The following PBX1 variants were observed in gnomAD, a reference collection of about 807,000 sequenced individuals.
The protein encoded by PBX1 is pre-B-cell leukemia transcription factor 1.
Under a neutral mutation model 53.4 loss-of-function variants are expected in PBX1, and 6 were observed. The ratio of observed to expected loss-of-function variants is 0.11; its 90% CI spans 0.06 to 0.22. PBX1 has a LOEUF of 0.22. Ranked by LOEUF, PBX1 falls within the 10% of genes least tolerant of loss-of-function variation. The probability of loss-of-function intolerance (pLI) is 1.00; values close to 1 mark genes in which losing one functional copy is unlikely to be tolerated. For synonymous variants in PBX1, 204 were observed against 212.3 expected (o/e 0.96, Z 0.34); for missense variants, 251 against 551.4 (o/e 0.46, Z 5.46).
intron 2 of PBX1, among the ~76,000 whole-genome samples, chr1:164,636,684 G>C (rs930594067): frequency 1.3e-5 from 2 of 152,162 alleles, no homozygotes; most frequent in African/African-American, 4.8e-5. Flanking sequence ...TCATGGCTTT[G>C]ACAAATGCCC....
At chr1:164,776,374 G>A (rs1167018166) in intron 2 of PBX1, among the ~76,000 whole-genome samples, 1 of 152,182 alleles carries the variant, frequency 6.6e-6, no homozygotes, top group Non-Finnish European at 1.5e-5. Flanking sequence ...GGTACTGGGC[G>A]GCTGTGGCAT....
chr1:164,564,754 T>C (rs1468670043), intron 2 of PBX1, among the ~76,000 whole-genome samples: 1 of 152,018 alleles, frequency 6.6e-6, no homozygotes, highest in African/African-American at 2.4e-5. Context: ...TTTTTTCCAG[T>C]TTGTCACACT....
chr1:164,660,320 G>C (rs950199546), intron 2 of PBX1, among the ~76,000 whole-genome samples: 26 of 152,166 alleles, frequency 1.7e-4, no homozygotes, highest in Admixed American at 7.9e-4. Context: ...GGGACATGCT[G>C]GGGCCTGGAG....
At chr1:164,697,945 A>G (rs1662884061) in intron 2 of PBX1, among the ~76,000 whole-genome samples, 1 of 152,204 alleles carries the variant, frequency 6.6e-6, no homozygotes, top group African/African-American at 2.4e-5. Flanking sequence ...GGTATCAGAC[A>G]TGCTAGATCC....
intron 1 of PBX1, among the ~76,000 whole-genome samples, chr1:164,560,881 T>A (rs879322981): frequency 2.6e-5 from 4 of 152,188 alleles, no homozygotes; most frequent in Non-Finnish European, 5.9e-5. Flanking sequence ...TGAAAGCATT[T>A]ATGAATTTTA....
chr1:164,789,891 A>G (rs1178243785), intron 2 of PBX1, among the ~76,000 whole-genome samples: 3 of 152,178 alleles, frequency 2.0e-5, no homozygotes, highest in African/African-American at 7.2e-5. Flanking sequence ...AGAGAGTAGA[A>G]TTTTGCCCCA....
At chr1:164,561,876 T>C (rs1280265586) in intron 1 of PBX1, among the ~76,000 whole-genome samples, 2 of 152,094 alleles carry the variant, frequency 1.3e-5, no homozygotes, top group Non-Finnish European at 1.5e-5. Flanking sequence ...TGGGCCTATA[T>C]ATAATAATAG....
At chr1:164,609,222 A>T (rs1195162147) in intron 2 of PBX1, among the ~76,000 whole-genome samples, 3 of 151,974 alleles carry the variant, frequency 2.0e-5, no homozygotes, top group Non-Finnish European at 4.4e-5. Context: ...TTCTCTTAAC[A>T]TTGCCTTTTT....
chr1:164,664,249 G>A (rs574999627), intron 2 of PBX1, among the ~76,000 whole-genome samples: 3 of 152,266 alleles, frequency 2.0e-5, no homozygotes, highest in African/African-American at 7.2e-5. Flanking sequence ...ACCAGCAGGC[G>A]GACCATGTCT....
At chr1:164,690,516 T>C (rs1199952052) in intron 2 of PBX1, among the ~76,000 whole-genome samples, 2 of 151,854 alleles carry the variant, frequency 1.3e-5, no homozygotes, top group Admixed American at 1.3e-4. Context: ...ATGTCTGTAA[T>C]CCTAGCATGG....
chr1:164,590,501 G>T, intron 2 of PBX1: 2 of 455,894 alleles, frequency 4.4e-6, no homozygotes, highest in Admixed American at 4.7e-5. Context: ...GTTAAGTTGA[G>T]AGGTGCCGTT....
chr1:164,796,881 C>G (rs2102312551), intron 3 of PBX1, among the ~76,000 whole-genome samples: 1 of 152,308 alleles, frequency 6.6e-6, no homozygotes, highest in East Asian at 1.9e-4. Context: ...CCCAAGTATT[C>G]ACATTACTGT....
chr1:164,572,560 A>T (rs141227130), intron 2 of PBX1, among the ~76,000 whole-genome samples: 1 of 152,136 alleles, frequency 6.6e-6, no homozygotes, highest in African/African-American at 2.4e-5. Flanking sequence ...TTTGAAAAAG[A>T]TTGGAGAATT....
Position 164,675,735 on chromosome 1 carries a change from A to G in PBX1, c.265+112424A>G, listed in dbSNP as rs1661396752. On this transcript the variant is annotated intron_variant, in intron 2 of 8. Coordinates refer to ENST00000420696, the MANE Select transcript of PBX1 (RefSeq NM_002585.4). ...TGAAACCCAGACCCCGCCCCCAGAC[A>G]CTGAGGACTGCCTGCTGTCTTCTTA... Among the ~76,000 whole-genome samples the G allele has an allele frequency of 2.0e-5, 3 of 152,106 alleles. No individual in the cohort carries two copies. The South Asian group carries it at 6.2e-4, about 32-fold the overall frequency.
At chr1:164,829,243 C>T (rs1238360861) in intron 8 of PBX1, 1 of 152,146 alleles carries the variant, frequency 6.6e-6, no homozygotes, top group South Asian at 2.1e-4. Flanking sequence ...TGGTGAATGG[C>T]CATTGTAAGG....
intron 2 of PBX1, among the ~76,000 whole-genome samples, chr1:164,869,044 T>C (rs147387663): frequency 6.6e-6 from 1 of 152,320 alleles, no homozygotes; most frequent in East Asian, 1.9e-4. Flanking sequence ...GTCTCTGGCA[T>C]GAATTAATAA....
At chr1:164,666,029 T>C (rs1043610444) in intron 2 of PBX1, among the ~76,000 whole-genome samples, 2 of 152,148 alleles carry the variant, frequency 1.3e-5, no homozygotes, top group African/African-American at 4.8e-5. Context: ...AAATTTTCGG[T>C]ATGGGATTCT....
chr1:164,624,140 GT>G (rs1487781995), intron 2 of PBX1, among the ~76,000 whole-genome samples: 1 of 152,140 alleles, frequency 6.6e-6, no homozygotes, highest in Non-Finnish European at 1.5e-5. Flanking sequence ...ATTTACTGAT[GT>G]TTTTTAAGCA....
intron 2 of PBX1, among the ~76,000 whole-genome samples, chr1:164,690,434 G>A (rs964252584): frequency 6.6e-6 from 1 of 152,160 alleles, no homozygotes; most frequent in South Asian, 2.1e-4. Context: ...AGCAACGGCT[G>A]CATGTGATTA....
Sources: gnomAD v4.1 joint callset for allele counts (sites outside exome capture counted in the v4.1 genomes callset) on GRCh38, gnomAD v4.1.1 for gene constraint, MANE v1.5 for transcripts, NCBI Gene and HGNC (gene_info 2026-07-23, HGNC 2026-07-21) for gene names.